PTPN4: variants seen among roughly 807,000 people sequenced by gnomAD.
PTPN4 encodes the protein tyrosine-protein phosphatase non-receptor type 4.
A neutral mutation model predicts 135.5 loss-of-function variants in PTPN4; 49 were observed. The observed-to-expected ratio is 0.36, with a 90% confidence interval of 0.29 to 0.46. The LOEUF (loss-of-function observed/expected upper bound fraction) is 0.46. Ranked by LOEUF, PTPN4 falls within the 20% of genes least tolerant of loss-of-function variation. PTPN4 has a pLI of 1.00. For missense variants in PTPN4, 860 were observed against 1,101.0 expected (o/e 0.78, Z 3.10); for synonymous variants, 333 against 369.9 (o/e 0.90, Z 1.14).
In PTPN4 at chr2:119,967,820, A is replaced by G. The variant is rs185926332; in HGVS notation, c.2559-17A>G. The G allele has an allele frequency of 3.7e-4, 577 of 1,579,546 alleles. No homozygotes were observed. Among genetic ancestry groups the G allele is most frequent in the Admixed American group, 1.7e-3 (98 of 57,756 alleles). On this transcript the variant is annotated splice_polypyrimidine_tract_variant and intron_variant, in intron 25 of 26. Coordinates refer to ENST00000263708, the MANE Select transcript of PTPN4 (RefSeq NM_002830.4). ...GAATAGTATCGGTAAGATCTTGCCT[A>G]TATTTGTCTTTTTTAGTGCTGGAAT...
chr2:119,814,714 A>G (rs958906326), intron 2 of PTPN4, among the ~76,000 whole-genome samples: 3 of 152,198 alleles, frequency 2.0e-5, no homozygotes, highest in South Asian at 4.1e-4. Context: ...ATTTATGTTC[A>G]GCCTTCCTCA....
intron 1 of PTPN4, among the ~76,000 whole-genome samples, chr2:119,776,089 T>G (rs1013364724): frequency 6.6e-6 from 1 of 152,168 alleles, no homozygotes; most frequent in African/African-American, 2.4e-5. Flanking sequence ...TTTAACTTCT[T>G]TTACAACATG....
At chr2:119,833,223 T>A (rs985592537) in intron 2 of PTPN4, among the ~76,000 whole-genome samples, 1 of 152,058 alleles carries the variant, frequency 6.6e-6, no homozygotes, top group African/African-American at 2.4e-5. Flanking sequence ...GTTTTATTCT[T>A]TCCATGTGGC....
chr2:119,910,318 T>C (rs1678552739), intron 10 of PTPN4, among the ~76,000 whole-genome samples: 1 of 152,128 alleles, frequency 6.6e-6, no homozygotes, highest in Admixed American at 6.6e-5. Context: ...TAACCATAAC[T>C]TTTATATCCA....
At chr2:119,892,645 T>C (rs1678256708) in intron 9 of PTPN4, among the ~76,000 whole-genome samples, 1 of 151,844 alleles carries the variant, frequency 6.6e-6, no homozygotes, top group Non-Finnish European at 1.5e-5. Context: ...GCTTGTGTAG[T>C]GCGAACAAGG....
At chr2:119,818,170 T>G (rs1306993226) in intron 2 of PTPN4, among the ~76,000 whole-genome samples, 1 of 152,222 alleles carries the variant, frequency 6.6e-6, no homozygotes, top group Admixed American at 6.5e-5. Flanking sequence ...CCTTGCCTGA[T>G]TGCCCTGGTT....
At chr2:119,792,049 C>G (rs1691159134) in intron 1 of PTPN4, among the ~76,000 whole-genome samples, 1 of 152,004 alleles carries the variant, frequency 6.6e-6, no homozygotes, top group African/African-American at 2.4e-5. Context: ...AACTTGTTTT[C>G]AAGTTGACTG....
intron 22 of PTPN4, among the ~76,000 whole-genome samples, chr2:119,957,458 C>G (rs1679305341): frequency 6.6e-6 from 1 of 152,084 alleles, no homozygotes; most frequent in Admixed American, 6.6e-5. Flanking sequence ...AATCTAATGC[C>G]TGATGATCTG....
At chr2:119,847,824 G>A (rs529089676) in intron 2 of PTPN4, among the ~76,000 whole-genome samples, 12 of 152,222 alleles carry the variant, frequency 7.9e-5, no homozygotes, top group Non-Finnish European at 1.2e-4. Context: ...TTTTGCCTTC[G>A]TCTTTTAAAG....
In PTPN4 at chr2:119,984,812, A is replaced by T. The variant is rs558867498; in HGVS notation, c.*7742A>T. 1.4e-4 allele frequency among the ~76,000 whole-genome samples: 22 copies of T among 152,178 alleles called. No homozygotes were observed. Among genetic ancestry groups the T allele is most frequent in the Non-Finnish European group, 2.4e-4 (16 of 68,028 alleles). On this transcript the variant is annotated 3_prime_UTR_variant, in exon 27 of 27. Coordinates refer to ENST00000263708, the MANE Select transcript of PTPN4 (RefSeq NM_002830.4). ...TTGGCCATATTTCATTTTGAGAAAC[A>T]GTTGTTCAGGTACAAACATGACAAA...
At chr2:119,873,499 C>A (rs1344211819) in intron 3 of PTPN4, among the ~76,000 whole-genome samples, 1 of 152,072 alleles carries the variant, frequency 6.6e-6, no homozygotes, top group Non-Finnish European at 1.5e-5. Context: ...ACAAGAGATT[C>A]TTCCCAGGGA....
intron 1 of PTPN4, among the ~76,000 whole-genome samples, chr2:119,785,152 G>T (rs879940202): frequency 6.6e-6 from 1 of 152,112 alleles, no homozygotes; most frequent in African/African-American, 2.4e-5. Flanking sequence ...CCCTTCAATT[G>T]TGAGAACCAA....
rs774827115 is a variant in PTPN4 at position 119,932,534 on chromosome 2, C to T, written c.1181C>T (p.Pro394Leu). The change falls in exon 14 of 27, where the codon CCG becomes CTG. Residue 394 changes from proline to leucine, a missense_variant. By Grantham distance (98) the Pro-to-Leu change is moderately conservative. Coordinates refer to ENST00000263708, the MANE Select transcript of PTPN4 (RefSeq NM_002830.4). ...CAAAGTCTTCCATCACGATCTCCAC[C>T]GGGAACTCCTAATCAGTAAGTGTGA... The part of the protein sequence containing the change: ...ETQSLPSRSP[P>L]GTPNHRNSTF... 13 of 1,608,812 alleles carry T rather than the reference C, an allele frequency of 8.1e-6. No individual in the cohort carries two copies. The highest frequency in any genetic ancestry group is 1.7e-5 in the Admixed American group (1 of 59,436).
In PTPN4 at chr2:119,946,360, A is replaced by C; in HGVS notation, c.1535A>C (p.His512Pro). The C allele has an allele frequency of 6.2e-7, 1 of 1,607,472 alleles. No homozygotes were observed. ...EKPTPNGGIPHDNLVLIRMKP... is the reference protein window; with the variant it reads ...EKPTPNGGIPPDNLVLIRMKP... ...TTTAAGCCTAATGGTGGTATTCCAC[A>C]TGATAATCTTGTCCTAATCAGAATG... Residue 512 changes from histidine to proline, a missense_variant, in exon 17 of 27, where the codon CAT (histidine) becomes CCT (proline). This residue lies in a region of PTPN4 where 684 missense variants were observed against 807.0 expected (regional missense o/e 0.85). Transcript: ENST00000263708.
intron 1 of PTPN4, among the ~76,000 whole-genome samples, chr2:119,774,812 G>A (rs897318739): frequency 6.6e-6 from 1 of 152,014 alleles, no homozygotes; most frequent in African/African-American, 2.4e-5. Flanking sequence ...AGATCACGAG[G>A]TCGGGAGTTC....
intron 19 of PTPN4, among the ~76,000 whole-genome samples, chr2:119,953,394 CA>C (rs1679236676): frequency 6.6e-6 from 1 of 152,124 alleles, no homozygotes; most frequent in Admixed American, 6.6e-5. Flanking sequence ...CTCTTGTTCA[CA>C]AATAGGCGTT....
intron 2 of PTPN4, among the ~76,000 whole-genome samples, chr2:119,822,928 T>C (rs886728187): frequency 6.6e-6 from 1 of 152,226 alleles, no homozygotes; most frequent in Non-Finnish European, 1.5e-5. Flanking sequence ...GTATTTTAAT[T>C]AAAATCAAGT....
rs1690459382 is a variant in PTPN4, at chr2:119,760,384, G to A, written c.-18G>A. 2.6e-6 allele frequency: 1 copy of A among 389,482 alleles called. No homozygotes were observed. The highest frequency in any genetic ancestry group is 4.5e-6 in the Non-Finnish European group (1 of 220,524). The allele number at this position is 389,482 out of a possible 1,614,324, so 24.1% of individuals were successfully genotyped here. On this transcript the variant is annotated splice_region_variant and 5_prime_UTR_variant, in exon 1 of 27. Coordinates refer to ENST00000263708, the MANE Select transcript of PTPN4 (RefSeq NM_002830.4). ...AGAGGACGCGGCTGTGATATACGAAGGTAAGAGGTTCTCCGGTCCCCGCCG... is the reference window on the plus strand; with the variant it reads ...AGAGGACGCGGCTGTGATATACGAAAGTAAGAGGTTCTCCGGTCCCCGCCG...
chr2:119,860,520 A>G (rs1677746450), intron 2 of PTPN4, among the ~76,000 whole-genome samples: 1 of 152,190 alleles, frequency 6.6e-6, no homozygotes, highest in Non-Finnish European at 1.5e-5. Context: ...CATCTGCCAA[A>G]TTAGCTTGCG....
Sources: allele counts gnomAD v4.1 joint callset (sites outside exome capture counted in the v4.1 genomes callset), GRCh38; gene constraint gnomAD v4.1.1; regional missense constraint gnomAD v4.1.1; transcripts MANE v1.5; gene names NCBI Gene and HGNC (gene_info 2026-07-23, HGNC 2026-07-21).